SIPA1L3: variants seen among roughly 807,000 people sequenced by gnomAD.
SIPA1L3 encodes signal induced proliferation associated 1 like 3.
Under a neutral mutation model 150.1 loss-of-function variants are expected in SIPA1L3, and 59 were observed. The ratio of observed to expected loss-of-function variants is 0.39; its 90% CI spans 0.32 to 0.49. SIPA1L3 has a LOEUF of 0.49. Among genes scored for constraint, SIPA1L3 ranks in the 20% least tolerant of loss-of-function variants. SIPA1L3 has a pLI of 0.86. For synonymous variants in SIPA1L3, 1,070 were observed against 1,077.6 expected (o/e 0.99, Z 0.14); for missense variants, 2,211 against 2,489.5 (o/e 0.89, Z 2.38).
In SIPA1L3 at chr19:38,119,638, T is replaced by C. The variant is rs780208147; in HGVS notation, c.2624T>C (p.Val875Ala). 1.9e-6 allele frequency: 3 copies of C among 1,613,206 alleles called. No homozygotes were observed. Among genetic ancestry groups the C allele is most frequent in the Admixed American group, 1.7e-5 (1 of 59,938 alleles). The stretch of plus-strand genomic sequence containing the variant: ...AGTGCAGGGGCCATCGCCTGGAGGG[T>C]GGTGGCCCAGGACTACGCCCAGGGG... The part of the protein sequence containing the change: ...QHSAGAIAWR[V>A]VAQDYAQGVE... The change falls in exon 9 of 22, where the codon GTG becomes GCG. Residue 875 changes from valine (V) to alanine (A), a missense_variant. Physicochemically the swap from Val to Ala is moderately conservative, Grantham distance 64. Coordinates refer to ENST00000222345, the MANE Select transcript of SIPA1L3 (RefSeq NM_015073.3).
chr19:38,067,149 G>A lies in SIPA1L3; in HGVS notation c.-310-14107G>A, dbSNP rs142137990. ...AGTTACTTGGGAGGCTGAGGCAGGA[G>A]GATCACTTGAGCCCAGGAGGTTGAG... is the stretch of plus-strand genomic sequence containing the variant. On this transcript the variant is annotated intron_variant, in intron 2 of 21. Transcript: ENST00000222345. Among the ~76,000 whole-genome samples the A allele has an allele frequency of 4.4e-3, 662 of 151,390 alleles. 6 individuals are homozygous for A. Among genetic ancestry groups the A allele is most frequent in the African/African-American group, 0.015 (629 of 41,312 alleles).
At chr19:38,206,042 T>C in intron 21 of SIPA1L3, 55 bp from the exon 22 acceptor site, 2 of 1,483,490 alleles carry the variant, frequency 1.3e-6, no homozygotes, top group Non-Finnish European at 1.8e-6. Flanking sequence ...AGCCATCGGC[T>C]GTTCCAGGAG....
chr19:38,100,738 C>T (rs1020214961), intron 5 of SIPA1L3, among the ~76,000 whole-genome samples: 2 of 152,254 alleles, frequency 1.3e-5, no homozygotes, highest in African/African-American at 4.8e-5. Context: ...CCCAGTCCAC[C>T]TACTGTGGGA....
In SIPA1L3 at chr19:38,032,664, C is replaced by T. The variant is rs147588536; in HGVS notation, c.-311+3508C>T. On this transcript the variant is annotated intron_variant, in intron 2 of 21. Transcript: ENST00000222345. ...AGACCAGCCTGGCCAACATGGTGGC[C>T]GTCTCTACTAAACCCCGTCTCTACT... Among the ~76,000 whole-genome samples the T allele has an allele frequency of 3.9e-5, 6 of 151,904 alleles. No individual in the cohort carries two copies. In the East Asian group the frequency reaches 9.7e-4, roughly 25 times the overall value.
rs1411047351 is a variant in SIPA1L3 at position 38,162,336 on chromosome 19, G to A, written c.3745G>A (p.Ala1249Thr). 1.9e-6 allele frequency: 3 copies of A among 1,614,110 alleles called. No homozygotes were observed. The Admixed American group carries it at 5.0e-5, about 27-fold the overall frequency. ...SGNKHPSRQD[A>T]AGKDSPNRHS... Reference sequence around the variant, plus strand: ...GAACAAGCACCCGTCCAGGCAGGATGCAGCAGGCAAAGATTCCCCCAACAG... The same window carrying A: ...GAACAAGCACCCGTCCAGGCAGGATACAGCAGGCAAAGATTCCCCCAACAG... Residue 1249 changes from alanine to threonine, a missense_variant, in exon 14 of 22, where the codon GCA becomes ACA. By Grantham distance (58) the Ala-to-Thr change is moderately conservative. Around this residue, in one of 5 missense-constraint regions of SIPA1L3, gnomAD observed 806 missense variants for 870.1 expected, o/e 0.93. Transcript: ENST00000222345.
intron 1 of SIPA1L3, among the ~76,000 whole-genome samples, chr19:37,920,058 ATTTT>A (rs770521761): frequency 3.3e-5 from 4 of 119,604 alleles, no homozygotes. Context: ...TTGGTTTGTA[ATTTT>A]TTTTTTTTTT....
chr19:38,203,948 G>T (rs1204772651), intron 20 of SIPA1L3, 179 bp from the exon 21 acceptor site: 6 of 591,174 alleles, frequency 1.0e-5, no homozygotes, highest in Non-Finnish European at 1.5e-5. Flanking sequence ...GGTGCCCTTG[G>T]TGGGTGGAGT....
In SIPA1L3 at chr19:38,130,768, C is replaced by G. The variant is rs374651861; in HGVS notation, c.3139C>G (p.Arg1047Gly). ...CCCGCCTTTTGAGGACGGCACTCCC[C>G]GGAGGTAAGGGCCTCCACCTTTCAG... is the stretch of plus-strand genomic sequence containing the variant. ...IIPPFEDGTP[R>G]RGWPETYDMN... Residue 1047 changes from arginine to glycine, a missense_variant, in exon 10 of 22, where the codon CGG becomes GGG. Transcript: ENST00000222345. The G allele has an allele frequency of 6.2e-7, 1 of 1,601,314 alleles. No individual in the cohort carries two copies. The highest frequency in any genetic ancestry group is 8.5e-7 in the Non-Finnish European group (1 of 1,170,786).
chr19:38,028,725 CT>C (rs1228507378), intron 1 of SIPA1L3, among the ~76,000 whole-genome samples: 1 of 146,314 alleles, frequency 6.8e-6, no homozygotes, highest in African/African-American at 2.5e-5. Flanking sequence ...CAGAGTCTTG[CT>C]CCATCACCCA....
intron 1 of SIPA1L3, among the ~76,000 whole-genome samples, chr19:37,956,626 T>C (rs1018969968): frequency 4.6e-5 from 7 of 151,648 alleles, no homozygotes; most frequent in Non-Finnish European, 2.9e-5. Flanking sequence ...CGGGATTACA[T>C]GCACACGCCA....
At chr19:38,095,543 T>C (rs12983497) in intron 4 of SIPA1L3, among the ~76,000 whole-genome samples, 46,844 of 152,074 alleles carry the variant, frequency 0.31, 8,117 homozygotes, top group East Asian at 0.61. Context: ...CTCACTTGAT[T>C]TGTTGCCCTC....
chr19:37,930,735 C>T (rs778931992), intron 1 of SIPA1L3, among the ~76,000 whole-genome samples: 2 of 152,044 alleles, frequency 1.3e-5, no homozygotes, highest in African/African-American at 4.8e-5. Context: ...TCTTAGTTTC[C>T]GTATCTGTAA....
At chr19:38,037,398 G>A (rs1367052241) in intron 2 of SIPA1L3, among the ~76,000 whole-genome samples, 3 of 152,196 alleles carry the variant, frequency 2.0e-5, no homozygotes, top group Non-Finnish European at 2.9e-5. Context: ...AGCTCCGGAC[G>A]TGGGAAGGAG....
At chr19:37,916,493 TAAAAAAAAAAAA>T (rs911159767) in intron 1 of SIPA1L3, among the ~76,000 whole-genome samples, 5 of 90,792 alleles carry the variant, frequency 5.5e-5, no homozygotes, top group East Asian at 3.2e-4. Flanking sequence ...ACTCTGTGTC[TAAAAAAAAAAAA>T]AAAAAAAAAA....
At chr19:38,181,787 A>G (rs920307407) in intron 15 of SIPA1L3, among the ~76,000 whole-genome samples, 2 of 147,324 alleles carry the variant, frequency 1.4e-5, no homozygotes, top group Non-Finnish European at 3.0e-5. Context: ...CTGAGGATGG[A>G]GTGAGCTGAG....
intron 1 of SIPA1L3, among the ~76,000 whole-genome samples, chr19:38,014,825 A>G (rs1175087143): frequency 3.9e-5 from 6 of 151,910 alleles, no homozygotes; most frequent in African/African-American, 1.5e-4. Flanking sequence ...GCCTGCCACC[A>G]CGCCTGGCTA....
intron 1 of SIPA1L3, among the ~76,000 whole-genome samples, chr19:37,977,169 A>G (rs1374614950): frequency 6.6e-6 from 1 of 151,824 alleles, no homozygotes; most frequent in Non-Finnish European, 1.5e-5. Flanking sequence ...TTTATTAAAA[A>G]AAATTTTTTT....
chr19:38,136,101 C>G (rs1006023991), intron 10 of SIPA1L3, among the ~76,000 whole-genome samples: 1 of 141,244 alleles, frequency 7.1e-6, no homozygotes, highest in Non-Finnish European at 1.5e-5. Context: ...GACGAAGTTT[C>G]ACTCTCTGTG....
chr19:38,029,856 C>CT (rs35091359), intron 2 of SIPA1L3, among the ~76,000 whole-genome samples: 24,369 of 120,804 alleles, frequency 0.2, 2,590 homozygotes, highest in Middle Eastern at 0.34. Context: ...ACCTCGGCCT[C>CT]TTTTTTTTTT....
Sources: gnomAD v4.1 joint callset for allele counts (sites outside exome capture counted in the v4.1 genomes callset) on GRCh38, gnomAD v4.1.1 for gene constraint, gnomAD v4.1.1 regional missense constraint, MANE v1.5 for transcripts, NCBI Gene and HGNC (gene_info 2026-07-23, HGNC 2026-07-21) for gene names.